The following TEC variants were observed in gnomAD, a reference collection of about 807,000 sequenced individuals.
TEC encodes the protein tyrosine-protein kinase Tec.
A neutral mutation model predicts 93.0 loss-of-function variants in TEC; 72 were observed. The observed-to-expected ratio is 0.77, with a 90% confidence interval of 0.64 to 0.94. The LOEUF is 0.94. Ranked by LOEUF, TEC falls within the 40% of genes least tolerant of loss-of-function variation. TEC has a pLI of 0.00. For synonymous variants in TEC, 249 were observed against 247.7 expected (o/e 1.01, Z -0.05); for missense variants, 630 against 757.9 (o/e 0.83, Z 1.98).
intron 2 of TEC, among the ~76,000 whole-genome samples, chr4:48,185,416 T>A (rs1373425371): frequency 6.6e-6 from 1 of 152,212 alleles, no homozygotes; most frequent in Non-Finnish European, 1.5e-5. Flanking sequence ...TAGAGCTTTC[T>A]AAGAGAAGTC....
intron 2 of TEC, among the ~76,000 whole-genome samples, chr4:48,208,633 A>G (rs1722792794): frequency 6.6e-6 from 1 of 151,562 alleles, no homozygotes; most frequent in South Asian, 2.1e-4. Flanking sequence ...TGCTCTTCCT[A>G]AGTTCTCTAT....
chr4:48,228,902 G>A (rs1030583644), intron 1 of TEC, among the ~76,000 whole-genome samples: 1 of 152,186 alleles, frequency 6.6e-6, no homozygotes, highest in African/African-American at 2.4e-5. Context: ...TCTTCATGAT[G>A]ATGATTCATT....
intron 14 of TEC, among the ~76,000 whole-genome samples, chr4:48,142,234 G>A (rs190331502): frequency 6.6e-6 from 1 of 152,340 alleles, no homozygotes; most frequent in Admixed American, 6.5e-5. Context: ...ATTTTGGGAG[G>A]CTAAGGCGGG....
At chr4:48,177,081 TTAAC>T (rs1354594792) in intron 2 of TEC, among the ~76,000 whole-genome samples, 2 of 152,208 alleles carry the variant, frequency 1.3e-5, no homozygotes, top group Admixed American at 1.3e-4. Context: ...CCTGCAGCAA[TTAAC>T]TAACAGCCCA....
intron 1 of TEC, among the ~76,000 whole-genome samples, chr4:48,240,338 G>A (rs1401764743): frequency 6.6e-6 from 1 of 152,102 alleles, no homozygotes; most frequent in African/African-American, 2.4e-5. Context: ...AAAGCAGGAA[G>A]AGAAAGGAGG....
At chr4:48,226,474 A>G (rs1431164476) in intron 2 of TEC, among the ~76,000 whole-genome samples, 1 of 151,934 alleles carries the variant, frequency 6.6e-6, no homozygotes, top group Admixed American at 6.6e-5. Context: ...TCCTCAGCCT[A>G]CTCAACGTGA....
At chr4:48,180,035 G>C (rs1721521512) in intron 2 of TEC, among the ~76,000 whole-genome samples, 1 of 151,986 alleles carries the variant, frequency 6.6e-6, no homozygotes, top group Admixed American at 6.5e-5. Context: ...TGTCAGATGT[G>C]GATAAATAGA....
chr4:48,195,218 T>C (rs530565859), intron 2 of TEC, among the ~76,000 whole-genome samples: 91 of 152,308 alleles, frequency 6.0e-4, no homozygotes, highest in Non-Finnish European at 1.2e-3. Context: ...GGTTGGGTAA[T>C]GGGTACACGG....
At position 48,259,174 on chromosome 4, in the gene TEC, T is replaced by C. The variant is rs146468935; in HGVS notation, c.-46+10578A>G. Among the ~76,000 whole-genome samples, 51 of 152,356 alleles carry C rather than the reference T, an allele frequency of 3.3e-4. No individual in the cohort carries two copies. The East Asian group carries it at 9.6e-3, about 29-fold the overall frequency. ...TTACAAGTATTAGGCCATGAATCTT[T>C]CTCAAGTGAACTGTTAATTATGTGT... On this transcript the variant is annotated intron_variant, in intron 1 of 17. Transcript: ENST00000381501.
At chr4:48,168,766 C>T in intron 5 of TEC, 140 bp from the exon 6 acceptor site, 1 of 781,920 alleles carries the variant, frequency 1.3e-6, no homozygotes, top group Admixed American at 2.9e-5. Context: ...GTGTATGCTG[C>T]TTGTATCTCT....
chr4:48,179,361 TATATA>T (rs1721477634), intron 2 of TEC, among the ~76,000 whole-genome samples: 2 of 44,024 alleles, frequency 4.5e-5, no homozygotes, highest in African/African-American at 8.9e-5. Flanking sequence ...TATATATATA[TATATA>T]TATATATATA....
At chr4:48,268,638 AACTTTATTTG>A (rs1560431082) in intron 1 of TEC, among the ~76,000 whole-genome samples, 1 of 152,208 alleles carries the variant, frequency 6.6e-6, no homozygotes, top group African/African-American at 2.4e-5. Context: ...TTAAATCCCA[AACTTTATTTG>A]GGAGATCCGC....
chr4:48,214,828 CG>C (rs1723019560), intron 2 of TEC, among the ~76,000 whole-genome samples: 1 of 151,166 alleles, frequency 6.6e-6, no homozygotes, highest in Non-Finnish European at 1.5e-5. Flanking sequence ...CACTCCAACC[CG>C]GATGACAGAG....
At chr4:48,247,181 G>A (rs538277997) in intron 1 of TEC, among the ~76,000 whole-genome samples, 48 of 152,196 alleles carry the variant, frequency 3.2e-4, no homozygotes, top group Admixed American at 7.2e-4. Context: ...AAATTGAAAC[G>A]ACGAGATACC....
chr4:48,244,283 C>A (rs1458783402), intron 1 of TEC, among the ~76,000 whole-genome samples: 2 of 152,182 alleles, frequency 1.3e-5, no homozygotes, highest in Non-Finnish European at 2.9e-5. Context: ...CGAGACTGGG[C>A]AATTTACAAA....
intron 9 of TEC, among the ~76,000 whole-genome samples, chr4:48,151,689 A>G (rs7654182): frequency 0.49 from 74,913 of 152,062 alleles, 19,352 homozygotes; most frequent in African/African-American, 0.63. Context: ...GTTTCACTAC[A>G]TTGGCCAGCT....
chr4:48,141,289 C>T (rs1719650487), intron 15 of TEC, 66 bp downstream of exon 15: 2 of 1,393,434 alleles, frequency 1.4e-6, no homozygotes, highest in Non-Finnish European at 2.0e-6. Context: ...GCAAATTATT[C>T]CCACACTTAT....
At chr4:48,247,582 C>G (rs1724095218) in intron 1 of TEC, among the ~76,000 whole-genome samples, 1 of 152,126 alleles carries the variant, frequency 6.6e-6, no homozygotes, top group Non-Finnish European at 1.5e-5. Flanking sequence ...AATACTGATA[C>G]ATGGTACAAC....
intron 2 of TEC, among the ~76,000 whole-genome samples, chr4:48,185,831 ATCTCCC>A (rs1311455989): frequency 1.3e-4 from 2 of 15,630 alleles, no homozygotes; most frequent in Non-Finnish European, 1.4e-4. Flanking sequence ...CCCCTCTCCC[ATCTCCC>A]TCTCCCTCTC....
Sources: allele counts gnomAD v4.1 joint callset (sites outside exome capture counted in the v4.1 genomes callset), GRCh38; gene constraint gnomAD v4.1.1; transcripts MANE v1.5; gene names NCBI Gene and HGNC (gene_info 2026-07-23, HGNC 2026-07-21).